The following RPL37 variants were observed in gnomAD, a reference collection of about 807,000 sequenced individuals.
RPL37 encodes ribosomal protein L37, also known as large ribosomal subunit protein eL37.
Under a neutral mutation model 14.8 loss-of-function variants are expected in RPL37, and 1 was observed. The ratio of observed to expected loss-of-function variants is 0.07; its 90% confidence interval spans 0.02 to 0.32. The LOEUF is 0.32. Among genes scored for constraint, RPL37 ranks in the 10% least tolerant of loss-of-function variants. RPL37 has a pLI of 1.00. For synonymous variants in RPL37, 53 were observed against 45.8 expected, an observed-to-expected ratio of 1.16 and a Z score of -0.63; for missense variants, 100 against 128.3, an observed-to-expected ratio of 0.78 and a Z score of 1.06.
chr5:40,828,515 T>A lies in RPL37; in HGVS notation c.*3989A>T, dbSNP rs763572433. 6.6e-6 allele frequency: 1 copy of A among 152,190 alleles called. No individual in the cohort carries two copies. Among genetic ancestry groups the A allele is most frequent in the Non-Finnish European group, 1.5e-5 (1 of 68,036 alleles). The allele number at this position is 152,190 out of a possible 1,614,324, so 9.4% of individuals were successfully genotyped here. A position where few individuals can be genotyped will look rare whatever the true frequency, so the allele number is the denominator to read the frequency against. ...CAGAATAGGTAAACTTCCAAAAGTA[T>A]CTAGTGTTGTCTTTTAAACTAAACT... On this transcript the variant is annotated 3_prime_UTR_variant, in exon 4 of 4. Transcript: ENST00000274242.
Position 40,829,183 on chromosome 5 carries a change from A to G in RPL37, c.*3321T>C, listed in dbSNP as rs909149907. The G allele has an allele frequency of 2.0e-5, 3 of 152,196 alleles. No individual in the cohort carries two copies. The highest frequency in any genetic ancestry group is 2.9e-5 in the Non-Finnish European group (2 of 68,032). The allele number at this position is 152,196 out of a possible 1,614,324, so 9.4% of individuals were successfully genotyped here. On this transcript the variant is annotated 3_prime_UTR_variant, in exon 4 of 4. Coordinates refer to ENST00000274242, the MANE Select transcript of RPL37 (RefSeq NM_000997.5). ...TTCAAGTTTTAGATGTTTTCTGTAG[A>G]GAACTCCCGGACAGCCCCACAGCCA...
At chr5:40,833,643 CTG>C (rs1239481422) in intron 3 of RPL37, among the ~76,000 whole-genome samples, 1 of 152,220 alleles carries the variant, frequency 6.6e-6, no homozygotes, top group Non-Finnish European at 1.5e-5. Flanking sequence ...TTATTCACTA[CTG>C]TCTTGACAAA....
chr5:40,834,642 G>C (rs375958289), intron 1 of RPL37, 36 bp from the exon 2 acceptor site: 1 of 1,566,136 alleles, frequency 6.4e-7, no homozygotes, highest in Non-Finnish European at 8.6e-7. Flanking sequence ...CTGAAACCTG[G>C]CAACTTCTAG....
In RPL37 at chr5:40,832,253, C is replaced by A; in HGVS notation, c.*251G>T. ...TAATCTGCTATATTGTCTTCCAGTG[C>A]CCTCTGCTTCAAGGACTCCTGGAAT... On this transcript the variant is annotated 3_prime_UTR_variant, in exon 4 of 4. Coordinates refer to ENST00000274242, the MANE Select transcript of RPL37 (RefSeq NM_000997.5). 2.1e-6 allele frequency: 1 copy of A among 487,188 alleles called. No homozygotes were observed. The highest frequency in any genetic ancestry group is 3.8e-6 in the Non-Finnish European group (1 of 262,586). The allele number at this position is 487,188 out of a possible 1,614,324, so 30.2% of individuals were successfully genotyped here.
rs6876367 is a variant in RPL37 at position 40,829,209 on chromosome 5, C to T, written c.*3295G>A. 0.32 allele frequency: 48,954 copies of T among 152,044 alleles called. 8,137 individuals are homozygous for T. The highest frequency in any genetic ancestry group is 0.53 in the East Asian group (2,720 of 5,158). The allele number at this position is 152,044 out of a possible 1,614,324, so 9.4% of individuals were successfully genotyped here. Reference sequence around the variant, plus strand: ...GAACTCCCGGACAGCCCCACAGCCACTGCCTTAGTCTGTCATGATTTTCAC... The same window carrying T: ...GAACTCCCGGACAGCCCCACAGCCATTGCCTTAGTCTGTCATGATTTTCAC... On this transcript the variant is annotated 3_prime_UTR_variant, in exon 4 of 4. Coordinates refer to ENST00000274242, the MANE Select transcript of RPL37 (RefSeq NM_000997.5).
At position 40,829,678 on chromosome 5, in the gene RPL37, T is replaced by TACATATAC. The variant is rs35401377; in HGVS notation, c.*2825_*2826insGTATATGT. The TACATATAC allele has an allele frequency of 8.6e-6, 1 of 115,818 alleles. No individual in the cohort carries two copies. Among genetic ancestry groups the TACATATAC allele is most frequent in the African/African-American group, 3.2e-5 (1 of 31,666 alleles). The allele number at this position is 115,818 out of a possible 1,614,324, so 7.2% of individuals were successfully genotyped here. On this transcript the variant is annotated 3_prime_UTR_variant, in exon 4 of 4. Coordinates refer to ENST00000274242, the MANE Select transcript of RPL37 (RefSeq NM_000997.5). ...CCATCATAGTGTGTGTGTGTGTGTG[T>TACATATAC]ATATATATATATATATATATCAACA...
intron 3 of RPL37, 163 bp downstream of exon 3, chr5:40,834,018 C>A: frequency 1.6e-6 from 1 of 619,878 alleles, no homozygotes; most frequent in South Asian, 1.9e-5. Context: ...ACACTCAAGC[C>A]TGGGCAACAT....
rs1432005951 is a variant in RPL37 at position 40,831,834 on chromosome 5, A to G, written c.*670T>C. On this transcript the variant is annotated 3_prime_UTR_variant, in exon 4 of 4. Transcript: ENST00000274242. ...TGCCTTTAGTCTACAAATCTCAGGG[A>G]TTATACTTGATTTTCCTTTATTTCC... 6 of 152,386 alleles carry G rather than the reference A, an allele frequency of 3.9e-5. No homozygotes were observed. The highest frequency in any genetic ancestry group is 3.9e-4 in the Admixed American group (6 of 15,276). The allele number at this position is 152,386 out of a possible 1,614,324, so 9.4% of individuals were successfully genotyped here. A position where few individuals can be genotyped will look rare whatever the true frequency, so the allele number is the denominator to read the frequency against.
chr5:40,826,677 T>G lies in RPL37; in HGVS notation c.*5827A>C, dbSNP rs1334367741. 6.6e-6 allele frequency: 1 copy of G among 152,202 alleles called. No homozygotes were observed. The highest frequency in any genetic ancestry group is 2.4e-5 in the African/African-American group (1 of 41,438). The allele number at this position is 152,202 out of a possible 1,614,324, so 9.4% of individuals were successfully genotyped here. On this transcript the variant is annotated 3_prime_UTR_variant, in exon 4 of 4. Transcript: ENST00000274242. ...TTTCAGGCCAGGGATGTGAGAATGT[T>G]TCCTGAGGACCAGATGTGTGACACT...
chr5:40,834,465 A>G lies in RPL37; in HGVS notation c.139+6T>C. 6.2e-7 allele frequency: 1 copy of G among 1,611,474 alleles called. No homozygotes were observed. The highest frequency in any genetic ancestry group is 1.1e-5 in the South Asian group (1 of 90,590). On this transcript the variant is annotated splice_donor_region_variant and intron_variant, in intron 2 of 3. Transcript: ENST00000274242. ...TAACACAGTTGGCCTGAAAAATGTT[A>G]CTTACACTTTCTCTTGCGCTTGGCA...
chr5:40,833,317 C>T (rs2112157236), intron 3 of RPL37, among the ~76,000 whole-genome samples: 1 of 152,284 alleles, frequency 6.6e-6, no homozygotes, highest in East Asian at 1.9e-4. Flanking sequence ...AAGAATTATC[C>T]AGCCCAAAGT....
Position 40,834,601 on chromosome 5 carries a change from C to T in RPL37, c.9G>A (p.Lys3=), listed in dbSNP as rs756915403. The change falls in exon 2 of 4, where the codon AAG becomes AAA. Residue 3 remains lysine, a synonymous_variant. Coordinates refer to ENST00000274242, the MANE Select transcript of RPL37 (RefSeq NM_000997.5). ...GACGCTTTCCAAACGATGACGTTCC[C>T]TTCGTCTGCACATTAAAGGAATAAA... MT[K]GTSSFGKRRN... The T allele has an allele frequency of 1.1e-5, 18 of 1,611,734 alleles. No homozygotes were observed. In the South Asian group the frequency reaches 1.4e-4, roughly 13 times the overall value.
chr5:40,828,713 C>G lies in RPL37; in HGVS notation c.*3791G>C, dbSNP rs1745571615. 1 of 152,116 alleles carries G rather than the reference C, an allele frequency of 6.6e-6. No individual in the cohort carries two copies. The highest frequency in any genetic ancestry group is 1.5e-5 in the Non-Finnish European group (1 of 68,030). 9.4% of individuals were successfully genotyped at this position (152,116 alleles called of 1,614,324 possible). On this transcript the variant is annotated 3_prime_UTR_variant, in exon 4 of 4. Coordinates refer to ENST00000274242, the MANE Select transcript of RPL37 (RefSeq NM_000997.5). Reference sequence around the variant, plus strand: ...CTCAGCCACATGTGACTGAGTGCCCCCCTCAAACAATCCCCTTCCTTGGTT... The same window carrying G: ...CTCAGCCACATGTGACTGAGTGCCCGCCTCAAACAATCCCCTTCCTTGGTT...
rs913644476 is a variant in RPL37 at position 40,830,400 on chromosome 5, A to C, written c.*2104T>G. On this transcript the variant is annotated 3_prime_UTR_variant, in exon 4 of 4. Transcript: ENST00000274242. Reference sequence around the variant, plus strand: ...GATGAGAGGATCACTTGAAACCAGGAGTCCAAGACCAGCCTGGGCAACATA... The same window carrying C: ...GATGAGAGGATCACTTGAAACCAGGCGTCCAAGACCAGCCTGGGCAACATA... 4 of 152,112 alleles carry C rather than the reference A, an allele frequency of 2.6e-5. No individual in the cohort carries two copies. Among genetic ancestry groups the C allele is most frequent in the African/African-American group, 9.7e-5 (4 of 41,398 alleles). The allele number at this position is 152,112 out of a possible 1,614,324, so 9.4% of individuals were successfully genotyped here. A position where few individuals can be genotyped will look rare whatever the true frequency, so the allele number is the denominator to read the frequency against.
chr5:40,829,102 T>C lies in RPL37; in HGVS notation c.*3402A>G, dbSNP rs1403917551. 1 of 152,250 alleles carries C rather than the reference T, an allele frequency of 6.6e-6. No homozygotes were observed. Among genetic ancestry groups the C allele is most frequent in the Non-Finnish European group, 1.5e-5 (1 of 68,046 alleles). 9.4% of individuals were successfully genotyped at this position (152,250 alleles called of 1,614,324 possible). A position where few individuals can be genotyped will look rare whatever the true frequency, so the allele number is the denominator to read the frequency against. ...CTATCAAATCTCAGTGTTCTCATTT[T>C]CATGCTTAAATTATACAGAAATGGG... On this transcript the variant is annotated 3_prime_UTR_variant, in exon 4 of 4. Coordinates refer to ENST00000274242, the MANE Select transcript of RPL37 (RefSeq NM_000997.5).
In RPL37 at chr5:40,831,378, T is replaced by C. The variant is rs867771993; in HGVS notation, c.*1126A>G. 6.6e-6 allele frequency: 1 copy of C among 152,390 alleles called. No individual in the cohort carries two copies. The highest frequency in any genetic ancestry group is 1.5e-5 in the Non-Finnish European group (1 of 68,052). 9.4% of individuals were successfully genotyped at this position (152,390 alleles called of 1,614,324 possible). On this transcript the variant is annotated 3_prime_UTR_variant, in exon 4 of 4. Transcript: ENST00000274242. Reference sequence around the variant, plus strand: ...TCAGCAGGGTTTCTTTATAAGTGAATGTTCTGAAGCTGAGACCTGAAGGGT... The same window carrying C: ...TCAGCAGGGTTTCTTTATAAGTGAACGTTCTGAAGCTGAGACCTGAAGGGT...
intron 3 of RPL37, among the ~76,000 whole-genome samples, chr5:40,833,036 G>GA (rs1745677018): frequency 6.6e-6 from 1 of 152,180 alleles, no homozygotes; most frequent in Non-Finnish European, 1.5e-5. Context: ...TCTACTCTAA[G>GA]AAAGGTCAAC....
chr5:40,833,893 A>G (rs1745698370), intron 3 of RPL37: 1 of 349,138 alleles, frequency 2.9e-6, no homozygotes, highest in East Asian at 6.4e-5. Flanking sequence ...ATAAATACAA[A>G]AATTAGCTGG....
intron 1 of RPL37, 118 bp from the exon 2 acceptor site, chr5:40,834,724 G>T: frequency 8.5e-7 from 1 of 1,182,376 alleles, no homozygotes; most frequent in Non-Finnish European, 1.2e-6. Context: ...GAAACTGCGG[G>T]AGAAGCCTCT....
Sources: allele counts gnomAD v4.1 joint callset (sites outside exome capture counted in the v4.1 genomes callset), GRCh38; gene constraint gnomAD v4.1.1; transcripts MANE v1.5; gene names NCBI Gene and HGNC (gene_info 2026-07-23, HGNC 2026-07-21).